Variants in RGSL1 observed in about 807,000 individuals in gnomAD.
The protein encoded by RGSL1 is regulator of G protein signaling like 1.
RGSL1 carries 97 observed loss-of-function variants against 124.7 expected under a neutral mutation model. The ratio of observed to expected loss-of-function variants is 0.78; its 90% CI spans 0.66 to 0.92. The LOEUF (loss-of-function observed/expected upper bound fraction) is 0.92, where lower values mean the gene tolerates loss of function less well. RGSL1 is among the 40% of genes least tolerant of loss of function. RGSL1 has a pLI of 0.00. For synonymous variants in RGSL1, 424 were observed against 438.1 expected (o/e 0.97, Z 0.40); for missense variants, 1,233 against 1,288.4 (o/e 0.96, Z 0.66).
At chr1:182,517,997 G>C (rs1174058589) in intron 9 of RGSL1, among the ~76,000 whole-genome samples, 1 of 151,952 alleles carries the variant, frequency 6.6e-6, no homozygotes, top group East Asian at 1.9e-4. Context: ...TTCTCTGTCT[G>C]GCTTGTTTTG....
chr1:182,524,081 G>A (rs763083113), intron 10 of RGSL1, among the ~76,000 whole-genome samples: 12 of 152,180 alleles, frequency 7.9e-5, no homozygotes, highest in Non-Finnish European at 1.5e-4. Context: ...GTCCAGTGAT[G>A]TTGAAGTATA....
At chr1:182,509,465 G>A (rs1222880774) in intron 9 of RGSL1, among the ~76,000 whole-genome samples, 463 of 41,942 alleles carry the variant, frequency 0.011, no homozygotes, top group Non-Finnish European at 0.018. Flanking sequence ...CTCCCTCCCG[G>A]ACGGGGCGGC....
chr1:182,503,754 C>T (rs867745107), intron 9 of RGSL1, among the ~76,000 whole-genome samples: 17 of 152,124 alleles, frequency 1.1e-4, no homozygotes, highest in Middle Eastern at 3.4e-3. Flanking sequence ...ACTAAAAGAA[C>T]ATAATTGGAT....
intron 8 of RGSL1, among the ~76,000 whole-genome samples, chr1:182,492,442 A>G (rs1655598082): frequency 6.6e-6 from 1 of 152,142 alleles, no homozygotes; most frequent in South Asian, 2.1e-4. Flanking sequence ...CTTTCAAGTC[A>G]TATCTTGGTT....
chr1:182,529,823 G>A (rs545054308), intron 11 of RGSL1, among the ~76,000 whole-genome samples: 1 of 152,208 alleles, frequency 6.6e-6, no homozygotes, highest in African/African-American at 2.4e-5. Context: ...AATGAACACA[G>A]CAGTTTCTGA....
At chr1:182,501,296 TTTTTTC>T (rs1166185586) in intron 9 of RGSL1, among the ~76,000 whole-genome samples, 9 of 139,990 alleles carry the variant, frequency 6.4e-5, no homozygotes, top group Admixed American at 5.5e-4. Context: ...TTTTCTTTTC[TTTTTTC>T]TTTTCTTTTT....
intron 15 of RGSL1, among the ~76,000 whole-genome samples, chr1:182,547,856 A>G (rs4652731): frequency 0.53 from 79,547 of 149,752 alleles, 21,047 homozygotes; most frequent in Non-Finnish European, 0.57. Flanking sequence ...GTGAGACTCC[A>G]TCTCAAAAAA....
chr1:182,493,109 G>A lies in RGSL1; in HGVS notation c.1805G>A (p.Cys602Tyr), dbSNP rs1571563731. Reference protein sequence around the residue: ...QKISDDYKIYCEKAPKIDFKM... With the variant: ...QKISDDYKIYYEKAPKIDFKM... Reference sequence around the variant, plus strand: ...ATCAGTGATGACTACAAAATATACTGTGAGAAAGCACCTAAAATAGGCAAG... The same window carrying A: ...ATCAGTGATGACTACAAAATATACTATGAGAAAGCACCTAAAATAGGCAAG... The change falls in exon 9 of 22, where the codon TGT becomes TAT. Residue 602 changes from cysteine (C) to tyrosine (Y), a missense_variant. Coordinates refer to ENST00000294854, the MANE Select transcript of RGSL1 (RefSeq NM_001137669.2). The A allele has an allele frequency of 6.4e-7, 1 of 1,550,860 alleles. No individual in the cohort carries two copies. The highest frequency in any genetic ancestry group is 2.4e-5 in the East Asian group (1 of 40,902).
chr1:182,539,513 C>T (rs1299433205), intron 14 of RGSL1, among the ~76,000 whole-genome samples: 1 of 152,152 alleles, frequency 6.6e-6, no homozygotes, highest in African/African-American at 2.4e-5. Flanking sequence ...TCCTGAACAG[C>T]ACTCCAGAAT....
intron 9 of RGSL1, among the ~76,000 whole-genome samples, chr1:182,511,610 T>C (rs1657468128): frequency 6.6e-6 from 1 of 152,256 alleles, no homozygotes; most frequent in African/African-American, 2.4e-5. Context: ...CCCATTGGTC[T>C]ATGTATCTGT....
chr1:182,543,863 TG>T (rs1246655428), intron 15 of RGSL1, among the ~76,000 whole-genome samples: 2 of 152,050 alleles, frequency 1.3e-5, no homozygotes, highest in African/African-American at 2.4e-5. Context: ...GTCTCTTTTT[TG>T]TTTCTGATTT....
intron 19 of RGSL1, 115 bp from the exon 20 acceptor site, chr1:182,554,512 A>T: frequency 1.2e-6 from 1 of 809,978 alleles, no homozygotes; most frequent in Non-Finnish European, 2.1e-6. Context: ...TCCAACCCCT[A>T]CATTGGAGGT....
At chr1:182,508,304 T>G (rs1037668405) in intron 9 of RGSL1, among the ~76,000 whole-genome samples, 7 of 139,726 alleles carry the variant, frequency 5.0e-5, no homozygotes, top group African/African-American at 1.9e-4. Flanking sequence ...TTTTTTTTTT[T>G]TTTTTTTTTT....
intron 15 of RGSL1, among the ~76,000 whole-genome samples, chr1:182,540,627 T>G (rs1659834836): frequency 6.6e-6 from 1 of 152,170 alleles, no homozygotes; most frequent in Admixed American, 6.6e-5. Context: ...TCTTCAGTAT[T>G]CCAGAAATTC....
chr1:182,548,788 T>C lies in RGSL1; in HGVS notation c.2897T>C (p.Met966Thr), dbSNP rs1169921389. ...LDRSVFHGAIMSVFPVVMYFW... is the reference protein window; with the variant it reads ...LDRSVFHGAITSVFPVVMYFW... Reference sequence around the variant, plus strand: ...CGGAGCGTCTTCCATGGGGCTATCATGTCTGTCTTCCCCGTTGTTATGTAC... The same window carrying C: ...CGGAGCGTCTTCCATGGGGCTATCACGTCTGTCTTCCCCGTTGTTATGTAC... Residue 966 changes from methionine (M) to threonine (T), a missense_variant, in exon 17 of 22, where the codon ATG becomes ACG. Met to Thr is a moderately conservative substitution (Grantham distance 81). Transcript: ENST00000294854. 3.2e-6 allele frequency: 5 copies of C among 1,551,570 alleles called. No individual in the cohort carries two copies. The highest frequency in any genetic ancestry group is 2.7e-5 in the African/African-American group (2 of 73,034).
chr1:182,521,117 T>C (rs1360547956), intron 9 of RGSL1, among the ~76,000 whole-genome samples: 29 of 152,360 alleles, frequency 1.9e-4, no homozygotes, highest in East Asian at 3.8e-4. Context: ...TTGACCAGGC[T>C]GGAGTGCAGT....
chr1:182,462,376 A>C (rs1228164719), intron 4 of RGSL1, among the ~76,000 whole-genome samples: 1 of 152,216 alleles, frequency 6.6e-6, no homozygotes, highest in Non-Finnish European at 1.5e-5. Context: ...ATGAAAGAAC[A>C]CTAGACAGTA....
At chr1:182,525,571 C>T (rs896608439) in intron 10 of RGSL1, among the ~76,000 whole-genome samples, 1 of 152,110 alleles carries the variant, frequency 6.6e-6, no homozygotes, top group Admixed American at 6.5e-5. Flanking sequence ...CACATAGACA[C>T]ATCACAATCA....
chr1:182,489,302 A>G, intron 8 of RGSL1, 100 bp downstream of exon 8: 1 of 1,051,596 alleles, frequency 9.5e-7, no homozygotes, highest in South Asian at 1.6e-5. Context: ...AGCACTATGC[A>G]GTGCAGGGAT....
Sources: gnomAD v4.1 joint callset for allele counts (sites outside exome capture counted in the v4.1 genomes callset) on GRCh38, gnomAD v4.1.1 for gene constraint, MANE v1.5 for transcripts, NCBI Gene and HGNC (gene_info 2026-07-23, HGNC 2026-07-21) for gene names.